Variants in CLVS1 observed in about 807,000 individuals in gnomAD.
The protein encoded by CLVS1 is clavesin-1.
In CLVS1, 10 loss-of-function variants were observed where a neutral mutation model predicts 33.1. The ratio of observed to expected loss-of-function variants is 0.30; its 90% CI spans 0.19 to 0.51. The LOEUF (loss-of-function observed/expected upper bound fraction) is 0.51, where lower values mean the gene tolerates loss of function less well. Ranked by LOEUF, CLVS1 falls within the 20% of genes least tolerant of loss-of-function variation. The pLI, the probability that CLVS1 is intolerant of heterozygous loss-of-function variation, is 0.97. For synonymous variants in CLVS1, 163 were observed against 166.1 expected (o/e 0.98, Z 0.14); for missense variants, 343 against 433.4 (o/e 0.79, Z 1.85).
chr8:61,326,572 A>G (rs1393713117), intron 2 of CLVS1, among the ~76,000 whole-genome samples: 1 of 152,176 alleles, frequency 6.6e-6, no homozygotes, highest in East Asian at 1.9e-4. Flanking sequence ...TGGTTTGAAG[A>G]GGTGCAAGAA....
chr8:61,418,396 A>G (rs975411115), intron 3 of CLVS1, among the ~76,000 whole-genome samples: 2 of 152,144 alleles, frequency 1.3e-5, no homozygotes, highest in African/African-American at 4.8e-5. Flanking sequence ...TTTTTTACCT[A>G]ATGAATCAGG....
intron 2 of CLVS1, among the ~76,000 whole-genome samples, chr8:61,143,108 G>T (rs7830371): frequency 0.46 from 69,699 of 152,102 alleles, 17,680 homozygotes; most frequent in Middle Eastern, 0.67. Context: ...AAATTAGATT[G>T]AAATCCTGAA....
intron 3 of CLVS1, among the ~76,000 whole-genome samples, chr8:61,431,037 G>A (rs2129605429): frequency 6.6e-6 from 1 of 152,266 alleles, no homozygotes; most frequent in South Asian, 2.1e-4. Context: ...AGAACTGTAT[G>A]ACTTTCATAA....
chr8:61,065,824 T>C (rs186001987), intron 1 of CLVS1, among the ~76,000 whole-genome samples: 1 of 152,336 alleles, frequency 6.6e-6, no homozygotes, highest in Admixed American at 6.5e-5. Flanking sequence ...GGTTGTGTAG[T>C]GCAAAGCTTT....
chr8:61,398,171 A>T (rs1423920766), intron 3 of CLVS1, among the ~76,000 whole-genome samples: 1 of 147,442 alleles, frequency 6.8e-6, no homozygotes, highest in Non-Finnish European at 1.5e-5. Context: ...TGTTTGTTTT[A>T]TAAGCTTTAC....
chr8:61,060,537 A>G (rs1458377510), intron 1 of CLVS1, among the ~76,000 whole-genome samples: 9 of 152,194 alleles, frequency 5.9e-5, no homozygotes, highest in Non-Finnish European at 2.9e-5. Context: ...GCAGAAAATC[A>G]CATTAACATG....
At chr8:61,313,932 G>T (rs1810926361) in intron 2 of CLVS1, among the ~76,000 whole-genome samples, 1 of 152,136 alleles carries the variant, frequency 6.6e-6, no homozygotes, top group Admixed American at 6.5e-5. Flanking sequence ...GGGAGTCATG[G>T]GCTCGGCAGG....
At chr8:61,428,123 T>G (rs1160985030) in intron 3 of CLVS1, among the ~76,000 whole-genome samples, 1 of 152,256 alleles carries the variant, frequency 6.6e-6, no homozygotes, top group Non-Finnish European at 1.5e-5. Flanking sequence ...CATTTGCCAG[T>G]TTCAGAAGAG....
chr8:61,131,322 G>A (rs1806095318), intron 1 of CLVS1, among the ~76,000 whole-genome samples: 1 of 152,214 alleles, frequency 6.6e-6, no homozygotes. Flanking sequence ...GGTGATGAAG[G>A]TGCGAATTAT....
chr8:61,167,983 C>G (rs974404213), intron 2 of CLVS1, among the ~76,000 whole-genome samples: 38 of 152,232 alleles, frequency 2.5e-4, no homozygotes, highest in Admixed American at 2.1e-3. Flanking sequence ...CCCAGGGCTG[C>G]TCTGTCTATG....
Position 61,500,772 on chromosome 8 carries a change from A to AAAG in CLVS1, c.*1231_*1233dup, listed in dbSNP as rs1472950611. 3.3e-5 allele frequency: 5 copies of AAAG among 152,234 alleles called. No individual in the cohort carries two copies. Among genetic ancestry groups the AAAG allele is most frequent in the Non-Finnish European group, 7.3e-5 (5 of 68,030 alleles). 9.4% of individuals were successfully genotyped at this position (152,234 alleles called of 1,614,324 possible). A position where few individuals can be genotyped will look rare whatever the true frequency, so the allele number is the denominator to read the frequency against. The stretch of plus-strand genomic sequence containing the variant: ...TTATTAGTATTACCAGTTGGTGCTC[A>AAAG]AAGTCAAACAAAAATATTTTAGTTA... On this transcript the variant is annotated 3_prime_UTR_variant, in exon 6 of 6. Transcript: ENST00000325897.
intron 2 of CLVS1, among the ~76,000 whole-genome samples, chr8:61,198,589 A>G (rs1807664662): frequency 6.6e-6 from 1 of 152,212 alleles, no homozygotes; most frequent in African/African-American, 2.4e-5. Flanking sequence ...CATGTTGGCC[A>G]GGCTGGTCTC....
At chr8:61,385,471 GA>G (rs1814044789) in intron 3 of CLVS1, among the ~76,000 whole-genome samples, 1 of 152,134 alleles carries the variant, frequency 6.6e-6, no homozygotes, top group Non-Finnish European at 1.5e-5. Flanking sequence ...AAACTCTGTG[GA>G]GAACCTTGCC....
the CLVS1 span, among the ~76,000 whole-genome samples, chr8:61,031,498 A>G: frequency 1.3e-5 from 2 of 152,246 alleles, no homozygotes. Flanking sequence ...GTGGCACTGT[A>G]AAAGTGAAAA....
chr8:61,481,273 C>T (rs1818184065), intron 5 of CLVS1, among the ~76,000 whole-genome samples: 1 of 152,150 alleles, frequency 6.6e-6, no homozygotes, highest in Admixed American at 6.5e-5. Context: ...ATGAGCAGCT[C>T]CAGTCTGCAG....
intron 1 of CLVS1, among the ~76,000 whole-genome samples, chr8:61,075,169 C>A (rs766550930): frequency 3.9e-5 from 6 of 152,096 alleles, no homozygotes; most frequent in Non-Finnish European, 5.9e-5. Context: ...GTGGACTGCT[C>A]AAGGGGAAGG....
intron 2 of CLVS1, among the ~76,000 whole-genome samples, chr8:61,278,632 G>C (rs1488806132): frequency 6.6e-6 from 1 of 152,230 alleles, no homozygotes; most frequent in Non-Finnish European, 1.5e-5. Flanking sequence ...ATTAATGTGT[G>C]TGTGTATAGA....
intron 2 of CLVS1, among the ~76,000 whole-genome samples, chr8:61,371,613 T>C (rs888940192): frequency 2.0e-5 from 3 of 152,238 alleles, no homozygotes; most frequent in African/African-American, 7.2e-5. Flanking sequence ...ATTTTTCTTA[T>C]GAGTCTAGCA....
chr8:61,192,298 G>C (rs1434874082), intron 2 of CLVS1, among the ~76,000 whole-genome samples: 1 of 152,186 alleles, frequency 6.6e-6, no homozygotes, highest in Non-Finnish European at 1.5e-5. Context: ...TTTAACTAAT[G>C]GTGGTGGGAA....
Sources: gnomAD v4.1 joint callset for allele counts (sites outside exome capture counted in the v4.1 genomes callset) on GRCh38, gnomAD v4.1.1 for gene constraint, MANE v1.5 for transcripts, NCBI Gene and HGNC (gene_info 2026-07-23, HGNC 2026-07-21) for gene names.